The following USP30 variants were observed in gnomAD, a reference collection of about 807,000 sequenced individuals.
USP30 encodes ubiquitin specific peptidase 30.
USP30 carries 41 observed loss-of-function variants against 68.2 expected under a neutral mutation model. The ratio of observed to expected loss-of-function variants is 0.60; its 90% CI spans 0.47 to 0.78. The LOEUF is 0.78. Among genes scored for constraint, USP30 ranks in the 30% least tolerant of loss-of-function variants. The pLI is 0.00. For missense variants in USP30, 522 were observed against 649.4 expected (o/e 0.80, Z 2.13); for synonymous variants, 229 against 253.7 (o/e 0.90, Z 0.93).
At chr12:109,081,620 C>T (rs1048009924) in intron 8 of USP30, 13 of 540,750 alleles carry the variant, frequency 2.4e-5, no homozygotes, top group African/African-American at 7.7e-5. Context: ...CGCACGCATG[C>T]GCGCACACAC....
Position 109,073,520 on chromosome 12 carries a change from CTG to C in USP30, c.711_712del (p.Cys237Ter). 6.2e-7 allele frequency: 1 copy of C among 1,612,216 alleles called. No individual in the cohort carries two copies. Among genetic ancestry groups the C allele is most frequent in the African/African-American group, 1.3e-5 (1 of 75,002 alleles). ...RLTSNMVCKH[C>X]EHQSPVRFDT... ...TCACTAGTAATATGGTCTGCAAACA[CTG>C]TGAACACCAGGTAAATACAATACCA... On this transcript the variant is annotated frameshift_variant, in exon 7 of 13. Coordinates refer to ENST00000257548, the MANE Select transcript of USP30 (RefSeq NM_032663.5). LOFTEE classifies it high-confidence loss of function.
intron 3 of USP30, among the ~76,000 whole-genome samples, chr12:109,032,128 T>C (rs1471727124): frequency 6.9e-6 from 1 of 145,314 alleles, no homozygotes; most frequent in African/African-American, 2.5e-5. Flanking sequence ...GGCAACATGG[T>C]GAAACCCGTC....
intron 6 of USP30, among the ~76,000 whole-genome samples, chr12:109,072,724 T>G (rs1282934118): frequency 1.3e-5 from 2 of 152,200 alleles, no homozygotes; most frequent in Non-Finnish European, 2.9e-5. Context: ...GTTGTTTTCT[T>G]AAGACTTAAA....
intron 3 of USP30, among the ~76,000 whole-genome samples, chr12:109,063,126 G>A (rs113234729): frequency 1.2e-3 from 179 of 151,330 alleles, no homozygotes; most frequent in African/African-American, 4.1e-3. Context: ...TTAAGACAAA[G>A]TCTCATTCTG....
chr12:109,048,611 G>A (rs949581867), upstream of USP30, among the ~76,000 whole-genome samples: 1 of 151,644 alleles, frequency 6.6e-6, no homozygotes, highest in African/African-American at 2.4e-5. Flanking sequence ...GTGGTGGCAC[G>A]CACCTGAAGT....
upstream of USP30, among the ~76,000 whole-genome samples, chr12:109,050,790 C>T (rs1376896898): frequency 1.3e-5 from 2 of 152,020 alleles, no homozygotes; most frequent in South Asian, 4.1e-4. Context: ...GGATGGATCA[C>T]GAGGTCAGGA....
At chr12:109,085,581 T>A in intron 12 of USP30, 86 bp from the exon 13 acceptor site, 1 of 1,498,068 alleles carries the variant, frequency 6.7e-7, no homozygotes, top group Non-Finnish European at 9.1e-7. Flanking sequence ...ATTCATCCCC[T>A]ATTTAACATT....
intron 3 of USP30, among the ~76,000 whole-genome samples, chr12:109,041,018 G>A (rs1017306012): frequency 2.0e-5 from 3 of 152,144 alleles, no homozygotes; most frequent in African/African-American, 7.2e-5. Context: ...ACCAGGAAAT[G>A]GGGTGTCTGG....
At chr12:109,083,126 C>T (rs2041852516) in intron 11 of USP30, 64 bp downstream of exon 11, 1 of 1,493,502 alleles carries the variant, frequency 6.7e-7, no homozygotes, top group Non-Finnish European at 9.0e-7. Flanking sequence ...AGTTTGGCAT[C>T]ACCACCTTCT....
upstream of USP30, among the ~76,000 whole-genome samples, chr12:109,050,914 G>A (rs777894010): frequency 7.9e-5 from 12 of 152,104 alleles, no homozygotes; most frequent in Non-Finnish European, 1.3e-4. Flanking sequence ...GGCTGAGGCA[G>A]GATAATCGCT....
chr12:109,034,641 T>C (rs2040506382), intron 3 of USP30, among the ~76,000 whole-genome samples: 1 of 152,216 alleles, frequency 6.6e-6, no homozygotes, highest in South Asian at 2.1e-4. Flanking sequence ...TTAGAAACAG[T>C]TTATAGTGTT....
intron 3 of USP30, among the ~76,000 whole-genome samples, chr12:109,037,944 TA>T (rs2135668316): frequency 6.6e-6 from 1 of 152,292 alleles, no homozygotes; most frequent in East Asian, 1.9e-4. Context: ...TCCTTCTAGA[TA>T]CTCAGAATTA....
intron 1 of USP30, among the ~76,000 whole-genome samples, chr12:109,055,401 T>TATATATACATATATATATATACATA (rs61062424): frequency 1.0e-4 from 3 of 29,632 alleles, no homozygotes; most frequent in East Asian, 2.8e-3. Flanking sequence ...TATATATATA[T>TATATATACATATATATATATACATA]TTTTTTTTTT....
At chr12:109,067,460 C>T (rs2041294481) in intron 3 of USP30, 64 bp from the exon 4 acceptor site, 4 of 1,430,218 alleles carry the variant, frequency 2.8e-6, no homozygotes, top group Non-Finnish European at 2.0e-6. Context: ...TTATACTGTG[C>T]AAGTTTTCTG....
chr12:109,067,395 G>T (rs917444915), intron 3 of USP30, 129 bp from the exon 4 acceptor site: 15 of 715,536 alleles, frequency 2.1e-5, no homozygotes, highest in Non-Finnish European at 3.1e-5. Context: ...GGGATTACAG[G>T]CATGAGCCAC....
intron 3 of USP30, among the ~76,000 whole-genome samples, chr12:109,043,703 A>G (rs1352690854): frequency 6.6e-6 from 1 of 152,232 alleles, no homozygotes; most frequent in African/African-American, 2.4e-5. Flanking sequence ...AGACACAGGC[A>G]ACAACAACAA....
upstream of USP30, among the ~76,000 whole-genome samples, chr12:109,051,878 G>T (rs1593231639): frequency 6.6e-6 from 1 of 152,080 alleles, no homozygotes; most frequent in East Asian, 1.9e-4. Flanking sequence ...CCTACCTCCT[G>T]CTTTTCACTT....
intron 4 of USP30, among the ~76,000 whole-genome samples, chr12:109,071,008 C>T (rs2041421537): frequency 1.3e-5 from 2 of 152,088 alleles, no homozygotes; most frequent in Non-Finnish European, 2.9e-5. Context: ...GACGTTATGC[C>T]GAGGAAAATA....
upstream of USP30, among the ~76,000 whole-genome samples, chr12:109,048,462 G>A (rs1173578428): frequency 2.0e-5 from 3 of 151,372 alleles, no homozygotes; most frequent in Non-Finnish European, 4.4e-5. Context: ...GTGGAGGGGG[G>A]TGAGTACCAA....
Sources: gnomAD v4.1 joint callset for allele counts (sites outside exome capture counted in the v4.1 genomes callset) on GRCh38, gnomAD v4.1.1 for gene constraint, MANE v1.5 for transcripts, NCBI Gene and HGNC (gene_info 2026-07-23, HGNC 2026-07-21) for gene names.